The following TTLL11 variants were observed in gnomAD, a reference collection of about 807,000 sequenced individuals.
TTLL11 encodes the protein tubulin polyglutamylase TTLL11.
TTLL11 carries 42 observed loss-of-function variants against 51.7 expected under a neutral mutation model. That is an observed-to-expected ratio of 0.81 (90% CI 0.64 to 1.05). The LOEUF (loss-of-function observed/expected upper bound fraction) is 1.05, where lower values mean the gene tolerates loss of function less well. TTLL11 is among the 50% of genes least tolerant of loss of function. The probability of loss-of-function intolerance (pLI) is 0.00; values close to 1 mark genes in which losing one functional copy is unlikely to be tolerated. For missense variants in TTLL11, 799 were observed against 940.4 expected, an observed-to-expected ratio of 0.85 and a Z score of 1.97; for synonymous variants, 381 against 383.5, an observed-to-expected ratio of 0.99 and a Z score of 0.08.
At chr9:121,932,024 TC>T (rs1841004733) in intron 6 of TTLL11, among the ~76,000 whole-genome samples, 1 of 152,148 alleles carries the variant, frequency 6.6e-6, no homozygotes, top group Admixed American at 6.5e-5. Context: ...TGTCACCATT[TC>T]CAACCTGACC....
chr9:121,921,997 G>A (rs1438895487), intron 6 of TTLL11, among the ~76,000 whole-genome samples: 1 of 152,170 alleles, frequency 6.6e-6, no homozygotes, highest in Non-Finnish European at 1.5e-5. Flanking sequence ...AGGATCATGA[G>A]ATAACATCTT....
chr9:122,091,436 G>A (rs1034142221), intron 1 of TTLL11, among the ~76,000 whole-genome samples: 26 of 152,328 alleles, frequency 1.7e-4, no homozygotes, highest in Non-Finnish European at 3.5e-4. Context: ...CAAGCCCCAA[G>A]GCTGGGGGCC....
chr9:122,018,407 C>T (rs181039022), intron 3 of TTLL11, among the ~76,000 whole-genome samples: 19 of 152,208 alleles, frequency 1.2e-4, no homozygotes, highest in South Asian at 2.1e-4. Context: ...CCACCGCGCC[C>T]GGCCAGTAAT....
At chr9:121,856,486 G>T (rs754212418) in intron 8 of TTLL11, among the ~76,000 whole-genome samples, 59 of 152,226 alleles carry the variant, frequency 3.9e-4, no homozygotes, top group Non-Finnish European at 7.6e-4. Flanking sequence ...AGAAGTAAAT[G>T]AGGTAATTCT....
In TTLL11 at chr9:121,822,576, C is replaced by CAG; in HGVS notation, c.*9_*10dup. ...TCTCGTCTTCCGTTTTCCAGGAGGA[C>CAG]AGAGTGGCCCTCAGGACAGGGTATG... On this transcript the variant is annotated 3_prime_UTR_variant, in exon 9 of 9. Transcript: ENST00000321582. The surrounding 1 kb of genome is among the most constrained non-coding windows in gnomAD (Gnocchi z 5.8). The CAG allele has an allele frequency of 7.0e-7, 1 of 1,431,374 alleles. No homozygotes were observed. The highest frequency in any genetic ancestry group is 1.5e-5 in the African/African-American group (1 of 68,720). 88.7% of individuals were successfully genotyped at this position (1,431,374 alleles called of 1,614,324 possible).
At chr9:122,002,977 G>A (rs1055482052) in intron 3 of TTLL11, among the ~76,000 whole-genome samples, 7 of 134,124 alleles carry the variant, frequency 5.2e-5, no homozygotes, top group East Asian at 4.0e-4. Context: ...GATCCCCAGC[G>A]TGTCGAGCCT....
At chr9:122,013,222 C>A (rs1008257710) in intron 3 of TTLL11, among the ~76,000 whole-genome samples, 1 of 152,204 alleles carries the variant, frequency 6.6e-6, no homozygotes, top group Non-Finnish European at 1.5e-5. Context: ...TGACCCCAAA[C>A]CCTTGCCTCA....
chr9:121,870,395 C>T, intron 7 of TTLL11, 102 bp downstream of exon 7: 1 of 1,435,774 alleles, frequency 7.0e-7, no homozygotes, highest in Non-Finnish European at 9.3e-7. Context: ...GACCCAGCAC[C>T]ACAGATTCTC....
intron 2 of TTLL11, among the ~76,000 whole-genome samples, chr9:122,038,912 C>T (rs908065195): frequency 1.3e-5 from 2 of 152,128 alleles, no homozygotes; most frequent in East Asian, 1.9e-4. Context: ...GAAGCTGATA[C>T]CCCATTTCTA....
intron 8 of TTLL11, among the ~76,000 whole-genome samples, chr9:121,847,730 G>A (rs1040074359): frequency 2.0e-5 from 3 of 152,126 alleles, no homozygotes; most frequent in African/African-American, 7.2e-5. Flanking sequence ...CGTTTAAGAA[G>A]GAAATGATAC....
intron 6 of TTLL11, among the ~76,000 whole-genome samples, chr9:121,918,612 T>C (rs928130277): frequency 6.6e-6 from 1 of 152,140 alleles, no homozygotes; most frequent in African/African-American, 2.4e-5. Flanking sequence ...TCATTAGAGA[T>C]AAATTTAAAA....
chr9:122,023,338 CAT>C (rs1383017169), intron 3 of TTLL11, among the ~76,000 whole-genome samples: 3 of 152,048 alleles, frequency 2.0e-5, no homozygotes, highest in African/African-American at 7.2e-5. Flanking sequence ...ACCAAGCTCA[CAT>C]GATTTCCCTA....
intron 7 of TTLL11, among the ~76,000 whole-genome samples, chr9:121,861,445 T>A (rs1230509364): frequency 6.6e-6 from 1 of 152,042 alleles, no homozygotes; most frequent in East Asian, 1.9e-4. Context: ...GTTAAAACAT[T>A]TCACCTTTCT....
intron 3 of TTLL11, among the ~76,000 whole-genome samples, chr9:122,027,466 A>T (rs1175120245): frequency 2.0e-5 from 3 of 152,244 alleles, no homozygotes; most frequent in Non-Finnish European, 4.4e-5. Flanking sequence ...ATCCTGTACC[A>T]GAAAAAGGAC....
chr9:121,986,128 A>G (rs1191882642), intron 4 of TTLL11, among the ~76,000 whole-genome samples: 1 of 152,234 alleles, frequency 6.6e-6, no homozygotes, highest in African/African-American at 2.4e-5. Flanking sequence ...AGTGGGAAAC[A>G]GTCCCAAGAC....
At chr9:121,983,149 T>TCCATAA (rs1842862424) in intron 4 of TTLL11, among the ~76,000 whole-genome samples, 1 of 152,172 alleles carries the variant, frequency 6.6e-6, no homozygotes, top group African/African-American at 2.4e-5. Flanking sequence ...TTGCAAGAGT[T>TCCATAA]GCTTATGGAT....
At chr9:121,976,859 A>G (rs935838329) in intron 4 of TTLL11, among the ~76,000 whole-genome samples, 2 of 152,256 alleles carry the variant, frequency 1.3e-5, no homozygotes, top group African/African-American at 4.8e-5. Flanking sequence ...AGATCTGCTT[A>G]ATAATACATG....
chr9:121,854,401 G>A (rs903810062), intron 8 of TTLL11, among the ~76,000 whole-genome samples: 5 of 152,198 alleles, frequency 3.3e-5, no homozygotes, highest in East Asian at 1.9e-4. Flanking sequence ...GGAAGGGGAC[G>A]TGGGGAAGAC....
chr9:122,026,930 A>ATG (rs1844363115), intron 3 of TTLL11, among the ~76,000 whole-genome samples: 1 of 142,356 alleles, frequency 7.0e-6, no homozygotes, highest in African/African-American at 2.7e-5. Flanking sequence ...AAAAAAAAAA[A>ATG]ACTAGCCAGT....
Sources: gnomAD v4.1 joint callset for allele counts (sites outside exome capture counted in the v4.1 genomes callset) on GRCh38, gnomAD v4.1.1 for gene constraint, Gnocchi (gnomAD v3.1) non-coding constraint, MANE v1.5 for transcripts, NCBI Gene and HGNC (gene_info 2026-07-23, HGNC 2026-07-21) for gene names.